Variants in PEMT observed in about 807,000 individuals in gnomAD.
The protein encoded by PEMT is phospholipid methyltransferase.
PEMT carries 23 observed loss-of-function variants against 27.4 expected under a neutral mutation model. The observed-to-expected ratio is 0.84, with a 90% CI of 0.60 to 1.19. The LOEUF is 1.19. Among genes scored for constraint, PEMT ranks in the 50% most tolerant of loss-of-function variants. The pLI, the probability that PEMT is intolerant of heterozygous loss-of-function variation, is 0.00. For synonymous variants in PEMT, 137 were observed against 139.1 expected (o/e 0.98, Z 0.11); for missense variants, 307 against 310.1 (o/e 0.99, Z 0.07).
At chr17:17,591,458 C>G (rs1912584669) in intron 1 of PEMT, 73 bp downstream of exon 1, 4 of 1,277,274 alleles carry the variant, frequency 3.1e-6, no homozygotes, top group Non-Finnish European at 4.4e-6. Flanking sequence ...TTTGAGGCGC[C>G]GCAAGCCTTC....
chr17:17,577,505 G>A, intron 1 of PEMT: 4 of 1,010,180 alleles, frequency 4.0e-6, no homozygotes, highest in Non-Finnish European at 4.7e-6. Flanking sequence ...ACACGAGGGT[G>A]TGAGTGGGGC....
Position 17,591,681 on chromosome 17 carries a change from G to A in PEMT, c.-55C>T, listed in dbSNP as rs1461367634. 14 of 1,571,620 alleles carry A rather than the reference G, an allele frequency of 8.9e-6. No individual in the cohort carries two copies. In the East Asian group the frequency reaches 2.6e-4, roughly 29 times the overall value. ...GGCCCCGCTGCAGCCACGCGCCCCC[G>A]GAACCGGACCTATAGAGCCGGGTAA... On this transcript the variant is annotated 5_prime_UTR_variant, in exon 1 of 7. Coordinates refer to ENST00000255389, the MANE Select transcript of PEMT (RefSeq NM_148172.3).
rs577437713 is a variant in PEMT at position 17,579,249 on chromosome 17, G to A, written c.97-2222C>T. Among the ~76,000 whole-genome samples, 27 of 152,344 alleles carry A rather than the reference G, an allele frequency of 1.8e-4. 1 individual carries two copies. In the South Asian group the frequency reaches 5.0e-3, roughly 28 times the overall value. On this transcript the variant is annotated intron_variant, in intron 1 of 6. Coordinates refer to ENST00000255389, the MANE Select transcript of PEMT (RefSeq NM_148172.3). ...TGTGACCATGGGATGTCCCTCAGACGTCTATCAGTATAAAGCCATCTTCTG... is the reference window on the plus strand; with the variant it reads ...TGTGACCATGGGATGTCCCTCAGACATCTATCAGTATAAAGCCATCTTCTG...
intron 3 of PEMT, chr17:17,518,108 G>A: frequency 1.0e-6 from 1 of 985,514 alleles, no homozygotes; most frequent in South Asian, 4.7e-5. Context: ...AGCCCTGGGA[G>A]ACTCCAGGCA....
At chr17:17,514,815 A>G (rs1321554962) in intron 3 of PEMT, among the ~76,000 whole-genome samples, 1 of 152,230 alleles carries the variant, frequency 6.6e-6, no homozygotes, top group Non-Finnish European at 1.5e-5. Flanking sequence ...GGCCCTGCTC[A>G]GGAGCATGGC....
intron 1 of PEMT, chr17:17,577,596 C>T (rs1029385527): frequency 6.3e-6 from 5 of 793,608 alleles, no homozygotes; most frequent in Non-Finnish European, 7.6e-6. Flanking sequence ...GCCCCCGCCC[C>T]GCCATCATCT....
chr17:17,590,395 G>T lies in PEMT; in HGVS notation c.96+1136C>A, dbSNP rs559207717. ...TCTTGCCCCACTGACTGACCTTTCG[G>T]CTCTCAGATCCCAGGTCCCTCCCTC... On this transcript the variant is annotated intron_variant, in intron 1 of 6. Transcript: ENST00000255389. 6.6e-5 allele frequency among the ~76,000 whole-genome samples: 10 copies of T among 152,276 alleles called. No individual in the cohort carries two copies. The South Asian group carries it at 2.1e-3, about 32-fold the overall frequency.
intron 2 of PEMT, among the ~76,000 whole-genome samples, chr17:17,554,407 C>T (rs1331030584): frequency 4.6e-5 from 7 of 152,154 alleles, no homozygotes; most frequent in African/African-American, 7.2e-5. Context: ...CGTGGCCCTC[C>T]GTGCACGGCA....
intron 2 of PEMT, among the ~76,000 whole-genome samples, chr17:17,571,922 C>A (rs1911232646): frequency 6.6e-6 from 1 of 152,216 alleles, no homozygotes; most frequent in Admixed American, 6.5e-5. Context: ...TGGTTTCGAA[C>A]TCCTGGGCTC....
chr17:17,579,330 C>T lies in PEMT; in HGVS notation c.97-2303G>A, dbSNP rs530434041. Reference sequence around the variant, plus strand: ...CTCCCCACCTGATCAGCCTGCATCCCTGAGGTGCAAACAATCATCTCACTG... The same window carrying T: ...CTCCCCACCTGATCAGCCTGCATCCTTGAGGTGCAAACAATCATCTCACTG... On this transcript the variant is annotated intron_variant, in intron 1 of 6. Coordinates refer to ENST00000255389, the MANE Select transcript of PEMT (RefSeq NM_148172.3). Among the ~76,000 whole-genome samples, 14 of 152,330 alleles carry T rather than the reference C, an allele frequency of 9.2e-5. No individual in the cohort carries two copies. The East Asian group carries it at 2.5e-3, about 27-fold the overall frequency.
intron 1 of PEMT, among the ~76,000 whole-genome samples, chr17:17,581,575 G>C (rs776388816): frequency 2.6e-5 from 4 of 152,182 alleles, no homozygotes; most frequent in Non-Finnish European, 5.9e-5. Flanking sequence ...CAAGATGAAG[G>C]ACGGAAACTG....
intron 5 of PEMT, chr17:17,507,029 G>A (rs534713739): frequency 3.8e-6 from 3 of 788,022 alleles, no homozygotes; most frequent in Admixed American, 4.3e-5. Context: ...GCTCTTTGCT[G>A]GTGACCAGCT....
intron 2 of PEMT, chr17:17,570,638 C>A (rs948798305): frequency 1.5e-4 from 148 of 985,294 alleles, no homozygotes; most frequent in Non-Finnish European, 1.7e-4. Flanking sequence ...CAGAAAGGCC[C>A]AAGACCTGGG....
chr17:17,559,459 A>T (rs1245626447), intron 2 of PEMT, among the ~76,000 whole-genome samples: 1 of 152,132 alleles, frequency 6.6e-6, no homozygotes, highest in Non-Finnish European at 1.5e-5. Flanking sequence ...GGGGAAGGGA[A>T]CCCGCTGTGA....
Position 17,561,778 on chromosome 17 carries a change from G to A in PEMT, c.204+15142C>T, listed in dbSNP as rs1282151565. On this transcript the variant is annotated intron_variant, in intron 2 of 6. Transcript: ENST00000255389. The surrounding 1 kb of genome is among the most constrained non-coding windows in gnomAD (Gnocchi z 4.5). ...ACCGGGCTCCCGAGGATGGCAAGGGGGACAGACTCCAGTGGGCTCAAGGAC... is the reference window on the plus strand; with the variant it reads ...ACCGGGCTCCCGAGGATGGCAAGGGAGACAGACTCCAGTGGGCTCAAGGAC... Among the ~76,000 whole-genome samples, 1 of 152,230 alleles carries A rather than the reference G, an allele frequency of 6.6e-6. No homozygotes were observed. Among genetic ancestry groups the A allele is most frequent in the Non-Finnish European group, 1.5e-5 (1 of 68,040 alleles).
At chr17:17,567,027 C>G (rs1473840669) in intron 2 of PEMT, among the ~76,000 whole-genome samples, 1 of 152,230 alleles carries the variant, frequency 6.6e-6, no homozygotes, top group Non-Finnish European at 1.5e-5. Flanking sequence ...CTCACACTAG[C>G]AGTGTCCAAT....
Position 17,512,797 on chromosome 17 carries a change from C to G in PEMT, c.321-143G>C. The G allele has an allele frequency of 1.5e-6, 1 of 658,568 alleles. No homozygotes were observed. The highest frequency in any genetic ancestry group is 2.2e-6 in the Non-Finnish European group (1 of 449,776). The allele number at this position is 658,568 out of a possible 1,614,324, so 40.8% of individuals were successfully genotyped here. A position where few individuals can be genotyped will look rare whatever the true frequency, so the allele number is the denominator to read the frequency against. On this transcript the variant is annotated intron_variant, in intron 3 of 6. Coordinates refer to ENST00000255389, the MANE Select transcript of PEMT (RefSeq NM_148172.3). This position sits in a 1 kb window ranked among gnomAD's most constrained non-coding sequence, Gnocchi z 6.3. Reference sequence around the variant, plus strand: ...CAGGGCTGCCAGGCCAGGCAGGCAGCAGGTGGGGTCCAGTCCACCTGGGAG... The same window carrying G: ...CAGGGCTGCCAGGCCAGGCAGGCAGGAGGTGGGGTCCAGTCCACCTGGGAG...
At chr17:17,570,592 C>G in intron 2 of PEMT, 3 of 985,424 alleles carry the variant, frequency 3.0e-6, no homozygotes, top group Non-Finnish European at 3.6e-6. Context: ...TAACAAAGGT[C>G]TGTGGGCAGC....
chr17:17,560,450 G>A (rs1251117942), intron 2 of PEMT, among the ~76,000 whole-genome samples: 1 of 152,220 alleles, frequency 6.6e-6, no homozygotes, highest in Non-Finnish European at 1.5e-5. Flanking sequence ...ATCGGAAAAG[G>A]AGACAGAGGT....
Sources: allele counts gnomAD v4.1 joint callset (sites outside exome capture counted in the v4.1 genomes callset), GRCh38; gene constraint gnomAD v4.1.1; non-coding constraint Gnocchi (gnomAD v3.1); transcripts MANE v1.5; gene names NCBI Gene and HGNC (gene_info 2026-07-23, HGNC 2026-07-21).